Variants in CFAP46 observed in about 807,000 individuals in gnomAD.
The protein encoded by CFAP46 is cilia- and flagella-associated protein 46.
CFAP46 carries 245 observed loss-of-function variants against 325.7 expected under a neutral mutation model. That is an observed-to-expected ratio of 0.75 (90% CI 0.68 to 0.84). The LOEUF is 0.84. Among genes scored for constraint, CFAP46 ranks in the 40% least tolerant of loss-of-function variants. CFAP46 has a pLI of 0.00. For synonymous variants in CFAP46, 1,523 were observed against 1,495.9 expected (o/e 1.02, Z -0.42); for missense variants, 3,346 against 3,543.0 (o/e 0.94, Z 1.41).
intron 17 of CFAP46, 83 bp downstream of exon 17, chr10:132,916,466 C>T: frequency 2.8e-6 from 4 of 1,410,176 alleles, no homozygotes; most frequent in Admixed American, 2.8e-5. Flanking sequence ...AAAGGGTGTC[C>T]CTCCCCACGC....
chr10:132,899,223 C>A, intron 23 of CFAP46, 102 bp from the exon 24 acceptor site: 4 of 1,269,956 alleles, frequency 3.1e-6, no homozygotes, highest in Non-Finnish European at 4.3e-6. Flanking sequence ...CCCAGCCACA[C>A]GCTCGCTCCC....
chr10:132,883,162 T>G (rs1849072801), intron 27 of CFAP46, among the ~76,000 whole-genome samples: 1 of 152,130 alleles, frequency 6.6e-6, no homozygotes, highest in South Asian at 2.1e-4. Flanking sequence ...CCACAAATCA[T>G]GGCATCCAGA....
chr10:132,914,775 C>G (rs1355411255), intron 17 of CFAP46, among the ~76,000 whole-genome samples: 3 of 128,274 alleles, frequency 2.3e-5, no homozygotes, highest in South Asian at 3.1e-4. Context: ...TGTCCAGCCA[C>G]ACTGCACCCC....
At position 132,899,519 on chromosome 10, in the gene CFAP46, C is replaced by G; in HGVS notation, c.3056+16G>C. 1 of 1,541,006 alleles carries G rather than the reference C, an allele frequency of 6.5e-7. No homozygotes were observed. Among genetic ancestry groups the G allele is most frequent in the South Asian group, 1.2e-5 (1 of 82,256 alleles). ...GGGAGGGACAGAGCCCACCCCAGCCCCTTAGAGCCACACACCTGGCGCTCT... is the reference window on the plus strand; with the variant it reads ...GGGAGGGACAGAGCCCACCCCAGCCGCTTAGAGCCACACACCTGGCGCTCT... On this transcript the variant is annotated intron_variant, in intron 23 of 57. Coordinates refer to ENST00000368586, the MANE Select transcript of CFAP46 (RefSeq NM_001200049.3).
rs571784578 is a variant in CFAP46 at position 132,869,236 on chromosome 10, C to T, written c.4610+38G>A. 6.7e-7 allele frequency: 1 copy of T among 1,485,852 alleles called. No individual in the cohort carries two copies. Among genetic ancestry groups the T allele is most frequent in the East Asian group, 2.6e-5 (1 of 38,960 alleles). The allele number at this position is 1,485,852 out of a possible 1,614,324, so 92.0% of individuals were successfully genotyped here. The stretch of plus-strand genomic sequence containing the variant: ...TCACCTGGCCGCACCAAGGGCGAGA[C>T]TCAAACCCCAGGCGGCGCAGGGTGG... On this transcript the variant is annotated intron_variant, in intron 33 of 57. Coordinates refer to ENST00000368586, the MANE Select transcript of CFAP46 (RefSeq NM_001200049.3). This position sits in a 1 kb window ranked among gnomAD's most constrained non-coding sequence, Gnocchi z 6.2.
In CFAP46 at chr10:132,857,896, G is replaced by A. The variant is rs987068089; in HGVS notation, c.5376-108C>T. On this transcript the variant is annotated intron_variant, in intron 38 of 57. Transcript: ENST00000368586. The stretch of plus-strand genomic sequence containing the variant: ...ATATTTTATTAGTGCTTAAAATGAT[G>A]TTTTAAAATAGCTAACATGTAAAGA... The A allele has an allele frequency of 7.0e-6, 7 of 1,001,282 alleles. No homozygotes were observed. In the African/African-American group the frequency reaches 8.2e-5, roughly 12 times the overall value. 62.0% of individuals were successfully genotyped at this position (1,001,282 alleles called of 1,614,324 possible).
intron 28 of CFAP46, among the ~76,000 whole-genome samples, chr10:132,880,420 A>G (rs959461703): frequency 2.0e-5 from 3 of 152,268 alleles, no homozygotes; most frequent in Middle Eastern, 6.8e-3. Context: ...GTAGCTGGAG[A>G]ATGGAGCCCC....
intron 50 of CFAP46, 66 bp from the exon 51 acceptor site, chr10:132,814,980 G>A: frequency 7.1e-7 from 1 of 1,405,086 alleles, no homozygotes. Flanking sequence ...CGGCCACACG[G>A]TCGGTTAATT....
intron 37 of CFAP46, among the ~76,000 whole-genome samples, chr10:132,859,658 G>A (rs757735592): frequency 7.9e-5 from 12 of 152,308 alleles, no homozygotes; most frequent in Middle Eastern, 6.8e-3. Flanking sequence ...GCATGAGGCC[G>A]CCGCCCCGGA....
intron 10 of CFAP46, among the ~76,000 whole-genome samples, chr10:132,925,250 C>G (rs1849792944): frequency 1.3e-5 from 2 of 152,248 alleles, no homozygotes; most frequent in Non-Finnish European, 2.9e-5. Context: ...CGGGCCCTTC[C>G]CAGGACAAAG....
chr10:132,810,349 C>T (rs1197525821), intron 57 of CFAP46, 60 bp downstream of exon 57: 1 of 1,432,272 alleles, frequency 7.0e-7, no homozygotes, highest in Non-Finnish European at 9.8e-7. Flanking sequence ...GCACGTGCCC[C>T]ATGGGCAGTG....
rs1849125927 is a variant in CFAP46 at position 132,886,032 on chromosome 10, C to T, written c.3305-73G>A. 6.6e-7 allele frequency: 1 copy of T among 1,518,354 alleles called. No homozygotes were observed. The highest frequency in any genetic ancestry group is 8.9e-7 in the Non-Finnish European group (1 of 1,126,350). 94.1% of individuals were successfully genotyped at this position (1,518,354 alleles called of 1,614,324 possible). On this transcript the variant is annotated intron_variant, in intron 25 of 57. Coordinates refer to ENST00000368586, the MANE Select transcript of CFAP46 (RefSeq NM_001200049.3). The surrounding 1 kb of genome is among the most constrained non-coding windows in gnomAD (Gnocchi z 5.8). ...CAAAGGCGCCCTCGGACCTCCCAGA[C>T]TAAGCTGCCCATCACAGTGCCCCTG...
chr10:132,877,810 T>G lies in CFAP46; in HGVS notation c.4212+71A>C. On this transcript the variant is annotated intron_variant, in intron 30 of 57. Coordinates refer to ENST00000368586, the MANE Select transcript of CFAP46 (RefSeq NM_001200049.3). The surrounding 1 kb of genome is among the most constrained non-coding windows in gnomAD (Gnocchi z 5.7). ...CCGCCTGGGGCTCCTCCGAGAACCC[T>G]GACAGGCAGGGAAACTGAGGCACAG... 1 of 1,512,952 alleles carries G rather than the reference T, an allele frequency of 6.6e-7. No individual in the cohort carries two copies. The highest frequency in any genetic ancestry group is 8.9e-7 in the Non-Finnish European group (1 of 1,119,002). 93.7% of individuals were successfully genotyped at this position (1,512,952 alleles called of 1,614,324 possible).
chr10:132,908,596 G>T lies in CFAP46; in HGVS notation c.2796C>A (p.Pro932=), dbSNP rs1439185937. Residue 932 remains proline, a synonymous_variant, in exon 22 of 58, where the codon CCC becomes CCA. Coordinates refer to ENST00000368586, the MANE Select transcript of CFAP46 (RefSeq NM_001200049.3). The part of the protein sequence containing the change: ...KMASECNWSD[P]LVELQTLTRL... ...GCGTCAGGGTCTGCAGCTCCACCAG[G>T]GGGTCCGACCAGTTGCACTCGGAAG... 6.5e-7 allele frequency: 1 copy of T among 1,549,246 alleles called. No individual in the cohort carries two copies. The highest frequency in any genetic ancestry group is 8.7e-7 in the Non-Finnish European group (1 of 1,146,290).
Position 132,922,414 on chromosome 10 carries a change from G to A in CFAP46, c.1485+66C>T, listed in dbSNP as rs11146039. 9 of 1,478,872 alleles carry A rather than the reference G, an allele frequency of 6.1e-6. No homozygotes were observed. In the East Asian group the frequency reaches 7.5e-5, roughly 12 times the overall value. 91.6% of individuals were successfully genotyped at this position (1,478,872 alleles called of 1,614,324 possible). A position where few individuals can be genotyped will look rare whatever the true frequency, so the allele number is the denominator to read the frequency against. On this transcript the variant is annotated intron_variant, in intron 12 of 57. Coordinates refer to ENST00000368586, the MANE Select transcript of CFAP46 (RefSeq NM_001200049.3). The stretch of plus-strand genomic sequence containing the variant: ...CGGCTCCCGCCCTGCTGTGCCCTCA[G>A]AGCCCCGCCCCGGCCCCATGCTGGG...
chr10:132,872,953 G>A (rs144632239), intron 31 of CFAP46, 129 bp from the exon 32 acceptor site: 671 of 1,040,894 alleles, frequency 6.4e-4, no homozygotes, highest in Admixed American at 1.3e-3. Context: ...GGTGCTCAGC[G>A]CGTGTCCGCA....
chr10:132,836,053 C>G lies in CFAP46; in HGVS notation c.6613+89G>C, dbSNP rs567806188. 82 of 664,470 alleles carry G rather than the reference C, an allele frequency of 1.2e-4. No individual in the cohort carries two copies. The South Asian group carries it at 1.8e-3, about 15-fold the overall frequency. 41.2% of individuals were successfully genotyped at this position (664,470 alleles called of 1,614,324 possible). Reference sequence around the variant, plus strand: ...CCCTCCCCTCCACCTCTCACCTCCCCCTCCCGACACAGCCCTGCTCACCTC... The same window carrying G: ...CCCTCCCCTCCACCTCTCACCTCCCGCTCCCGACACAGCCCTGCTCACCTC... On this transcript the variant is annotated intron_variant, in intron 46 of 57. Transcript: ENST00000368586.
chr10:132,847,234 A>T lies in CFAP46; in HGVS notation c.6040T>A (p.Ser2014Thr). Reference protein sequence around the residue: ...ATKSSRDPPASRAAPEEHCRR... With the variant: ...ATKSSRDPPATRAAPEEHCRR... Reference sequence around the variant, plus strand: ...CAGTGCTCCTCCGGGGCTGCCCTGGAGGCCGGCGGGTCCCTGCTGGACTTT... The same window carrying T: ...CAGTGCTCCTCCGGGGCTGCCCTGGTGGCCGGCGGGTCCCTGCTGGACTTT... Residue 2014 changes from serine to threonine, a missense_variant, in exon 42 of 58, where the codon TCC (serine) becomes ACC (threonine). Ser to Thr is a moderately conservative substitution (Grantham distance 58). Coordinates refer to ENST00000368586, the MANE Select transcript of CFAP46 (RefSeq NM_001200049.3). This position sits in a 1 kb window ranked among gnomAD's most constrained non-coding sequence, Gnocchi z 5.2. The T allele has an allele frequency of 6.2e-7, 1 of 1,613,166 alleles. No homozygotes were observed. The highest frequency in any genetic ancestry group is 8.5e-7 in the Non-Finnish European group (1 of 1,179,880).
rs1369795022 is a variant in CFAP46 at position 132,912,680 on chromosome 10, G to T, written c.2474C>A (p.Thr825Asn). The change falls in exon 19 of 58, where the codon ACT becomes AAT. Residue 825 changes from threonine (T) to asparagine (N), a missense_variant. Physicochemically the swap from Thr to Asn is moderately conservative, Grantham distance 65. Transcript: ENST00000368586. ...CTCCACCGCTGTTTTGATCTCGGAA[G>T]TGGCTCCTGCGTCCAGTGGGCTGTG... Reference protein sequence around the residue: ...AFHSPLDAGATSEIKTAVEVC... With the variant: ...AFHSPLDAGANSEIKTAVEVC... 1 of 1,549,394 alleles carries T rather than the reference G, an allele frequency of 6.5e-7. No homozygotes were observed. The highest frequency in any genetic ancestry group is 8.7e-7 in the Non-Finnish European group (1 of 1,146,878).
Sources: allele counts gnomAD v4.1 joint callset (sites outside exome capture counted in the v4.1 genomes callset), GRCh38; gene constraint gnomAD v4.1.1; non-coding constraint Gnocchi (gnomAD v3.1); transcripts MANE v1.5; gene names NCBI Gene and HGNC (gene_info 2026-07-23, HGNC 2026-07-21).